The following ZNF148 variants were observed in gnomAD, a reference collection of about 807,000 sequenced individuals.
ZNF148 encodes the protein Beta-Enolase Repressor Factor-1.
In ZNF148, 7 loss-of-function variants were observed where a neutral mutation model predicts 67.7. The ratio of observed to expected loss-of-function variants is 0.10; its 90% CI spans 0.06 to 0.19. The LOEUF is 0.19. Ranked by LOEUF, ZNF148 falls within the 10% of genes least tolerant of loss-of-function variation. The pLI, the probability that ZNF148 is intolerant of heterozygous loss-of-function variation, is 1.00. For synonymous variants in ZNF148, 333 were observed against 330.7 expected, an observed-to-expected ratio of 1.01 and a Z score of -0.08; for missense variants, 583 against 947.1, an observed-to-expected ratio of 0.62 and a Z score of 5.05.
At chr3:125,238,741 C>A (rs1936209165) in intron 7 of ZNF148, among the ~76,000 whole-genome samples, 1 of 152,088 alleles carries the variant, frequency 6.6e-6, no homozygotes, top group African/African-American at 2.4e-5. Context: ...ATCACATGAC[C>A]CAGCAATTCC....
At chr3:125,240,335 T>C (rs1397619886) in intron 7 of ZNF148, among the ~76,000 whole-genome samples, 1 of 151,978 alleles carries the variant, frequency 6.6e-6, no homozygotes, top group East Asian at 1.9e-4. Context: ...CAAGCCACCG[T>C]CTCTGAATGA....
intron 7 of ZNF148, among the ~76,000 whole-genome samples, chr3:125,263,435 C>CAGGTA: frequency 6.6e-6 from 1 of 151,918 alleles, no homozygotes; most frequent in Admixed American, 6.5e-5. Context: ...CCTGTAATCC[C>CAGGTA]AGGTACTCAG....
At position 125,321,823 on chromosome 3, in the gene ZNF148, A is replaced by T. The variant is rs189892471; in HGVS notation, c.-17+1486T>A. On this transcript the variant is annotated intron_variant, in intron 3 of 8. Coordinates refer to ENST00000360647, the MANE Select transcript of ZNF148 (RefSeq NM_021964.3). ...TGTAATCTTACATAATAAATATTTT[A>T]AAAAAACTTCTTAAAACAAAATTTC... 1.6e-3 allele frequency among the ~76,000 whole-genome samples: 239 copies of T among 152,022 alleles called. 1 individual carries two copies. The East Asian group carries it at 0.022, about 14-fold the overall frequency.
intron 1 of ZNF148, chr3:125,344,616 A>G (rs990110168): frequency 1.3e-6 from 1 of 756,792 alleles, no homozygotes. Context: ...TCATAGATGT[A>G]CCATCTTTTA....
At chr3:125,354,512 T>C (rs1481260661) in intron 1 of ZNF148, among the ~76,000 whole-genome samples, 3 of 152,254 alleles carry the variant, frequency 2.0e-5, no homozygotes, top group Admixed American at 1.3e-4. Flanking sequence ...CCAATTTGTA[T>C]TTCCCCAATT....
At chr3:125,239,637 C>A (rs569515102) in intron 7 of ZNF148, among the ~76,000 whole-genome samples, 1 of 152,104 alleles carries the variant, frequency 6.6e-6, no homozygotes, top group South Asian at 2.1e-4. Context: ...TAAATATGAC[C>A]CAGCAATTTC....
chr3:125,343,029 G>A (rs1941796038), intron 1 of ZNF148, among the ~76,000 whole-genome samples: 2 of 152,142 alleles, frequency 1.3e-5, no homozygotes, highest in Admixed American at 1.3e-4. Context: ...CAAGGAGACA[G>A]GAAACAAACA....
chr3:125,308,866 T>A (rs1940043184), intron 4 of ZNF148, among the ~76,000 whole-genome samples: 1 of 152,126 alleles, frequency 6.6e-6, no homozygotes, highest in South Asian at 2.1e-4. Context: ...AAAAGGAGGA[T>A]GAATAAACAA....
intron 7 of ZNF148, among the ~76,000 whole-genome samples, chr3:125,274,693 T>TG (rs752381217): frequency 6.6e-6 from 1 of 152,160 alleles, no homozygotes; most frequent in East Asian, 1.9e-4. Context: ...GGGCAGAGAA[T>TG]GGGCTTGGAG....
At chr3:125,273,414 C>A (rs1467960839) in intron 7 of ZNF148, among the ~76,000 whole-genome samples, 1 of 151,902 alleles carries the variant, frequency 6.6e-6, no homozygotes, top group Non-Finnish European at 1.5e-5. Context: ...TAAAAAAGAA[C>A]CTTATGGAAA....
At chr3:125,267,281 A>G (rs1041991372) in intron 7 of ZNF148, among the ~76,000 whole-genome samples, 1 of 152,050 alleles carries the variant, frequency 6.6e-6, no homozygotes, top group Non-Finnish European at 1.5e-5. Flanking sequence ...ACAAAACTAA[A>G]GGCCAACATC....
chr3:125,303,369 G>A (rs571238403), intron 4 of ZNF148, among the ~76,000 whole-genome samples: 5 of 152,312 alleles, frequency 3.3e-5, no homozygotes, highest in African/African-American at 1.2e-4. Context: ...ACCAAGCCGT[G>A]ACCTGTTAGG....
intron 4 of ZNF148, among the ~76,000 whole-genome samples, chr3:125,288,436 T>G (rs1938824413): frequency 6.6e-6 from 1 of 151,790 alleles, no homozygotes; most frequent in Non-Finnish European, 1.5e-5. Flanking sequence ...AATTGAGGGA[T>G]AAACAGATTT....
At chr3:125,294,904 C>T (rs1362587785) in intron 4 of ZNF148, among the ~76,000 whole-genome samples, 1 of 152,120 alleles carries the variant, frequency 6.6e-6, no homozygotes, top group East Asian at 1.9e-4. Flanking sequence ...TACCAATAAA[C>T]AAACTAAAAT....
chr3:125,296,518 T>C (rs1043559739), intron 4 of ZNF148, among the ~76,000 whole-genome samples: 1 of 152,202 alleles, frequency 6.6e-6, no homozygotes, highest in East Asian at 1.9e-4. Context: ...CTAGAAATTA[T>C]ACTTCATATT....
At chr3:125,350,182 CAG>C (rs1160081329) in intron 1 of ZNF148, among the ~76,000 whole-genome samples, 1 of 151,550 alleles carries the variant, frequency 6.6e-6, no homozygotes, top group Non-Finnish European at 1.5e-5. Flanking sequence ...TTTTTTGAGA[CAG>C]AGTCTCACTC....
At chr3:125,276,047 C>A (rs1938044544) in intron 7 of ZNF148, among the ~76,000 whole-genome samples, 1 of 152,248 alleles carries the variant, frequency 6.6e-6, no homozygotes, top group Admixed American at 6.5e-5. Context: ...TCCACAAGAA[C>A]GTAAACTCCA....
At chr3:125,369,384 CAAAAAAA>C (rs759752715) in intron 1 of ZNF148, among the ~76,000 whole-genome samples, 1 of 47,520 alleles carries the variant, frequency 2.1e-5, no homozygotes, top group Non-Finnish European at 3.6e-5. Context: ...ACTGCAACCT[CAAAAAAA>C]AAAAAAAAAA....
At chr3:125,301,472 CA>C (rs1939583890) in intron 4 of ZNF148, among the ~76,000 whole-genome samples, 2 of 152,204 alleles carry the variant, frequency 1.3e-5, no homozygotes, top group African/African-American at 4.8e-5. Flanking sequence ...ACTTATACTT[CA>C]AATGTCACCA....
Sources: allele counts gnomAD v4.1 joint callset (sites outside exome capture counted in the v4.1 genomes callset), GRCh38; gene constraint gnomAD v4.1.1; transcripts MANE v1.5; gene names NCBI Gene and HGNC (gene_info 2026-07-23, HGNC 2026-07-21).